The following TAF3 variants were observed in gnomAD, a reference collection of about 807,000 sequenced individuals.
TAF3 encodes TATA-box binding protein associated factor 3, also known as transcription initiation factor TFIID subunit 3.
In TAF3, 7 loss-of-function variants were observed where a neutral mutation model predicts 80.6. The ratio of observed to expected loss-of-function variants is 0.09; its 90% CI spans 0.05 to 0.16. TAF3 has a LOEUF of 0.16. TAF3 is among the 10% of genes least tolerant of loss of function. TAF3 has a pLI of 1.00. For synonymous variants in TAF3, 444 were observed against 446.1 expected, an observed-to-expected ratio of 1.00 and a Z score of 0.06; for missense variants, 921 against 1,140.2, an observed-to-expected ratio of 0.81 and a Z score of 2.77.
At chr10:7,878,088 T>C (rs1286140212) in intron 2 of TAF3, among the ~76,000 whole-genome samples, 1 of 152,202 alleles carries the variant, frequency 6.6e-6, no homozygotes, top group Non-Finnish European at 1.5e-5. Context: ...ATTATGCATC[T>C]GACCTTCCTG....
At chr10:7,838,708 G>A (rs1836877850) in intron 2 of TAF3, among the ~76,000 whole-genome samples, 1 of 152,014 alleles carries the variant, frequency 6.6e-6, no homozygotes, top group African/African-American at 2.4e-5. Flanking sequence ...TGGGCAGGCA[G>A]GCTTCTTGAA....
At chr10:7,941,809 T>C (rs973812901) in intron 2 of TAF3, among the ~76,000 whole-genome samples, 5 of 152,172 alleles carry the variant, frequency 3.3e-5, no homozygotes, top group African/African-American at 1.2e-4. Context: ...TGCTTGGTCT[T>C]AGAGAGCCTG....
intron 2 of TAF3, among the ~76,000 whole-genome samples, chr10:7,830,727 G>C (rs1179047414): frequency 1.3e-5 from 2 of 151,906 alleles, no homozygotes; most frequent in Admixed American, 6.6e-5. Flanking sequence ...CAAGTGATCC[G>C]CCAGCCTCGG....
chr10:7,941,566 G>A (rs1837976308), intron 2 of TAF3, among the ~76,000 whole-genome samples: 1 of 152,202 alleles, frequency 6.6e-6, no homozygotes, highest in Admixed American at 6.5e-5. Flanking sequence ...AGGAGGAAGA[G>A]CCACTGCCCT....
At chr10:7,966,710 G>T (rs1198522160) in intron 3 of TAF3, among the ~76,000 whole-genome samples, 1 of 152,140 alleles carries the variant, frequency 6.6e-6, no homozygotes, top group Admixed American at 6.5e-5. Flanking sequence ...AAAATTTGAT[G>T]TATTTGACCT....
At chr10:7,915,441 G>A (rs1403093828) in intron 2 of TAF3, among the ~76,000 whole-genome samples, 1 of 143,968 alleles carries the variant, frequency 6.9e-6, no homozygotes, top group Non-Finnish European at 1.5e-5. Flanking sequence ...TCAGGAGATC[G>A]AGACCATCCT....
At chr10:8,008,954 G>A in intron 4 of TAF3, 124 bp from the exon 5 acceptor site, 1 of 1,349,770 alleles carries the variant, frequency 7.4e-7, no homozygotes, top group Non-Finnish European at 1.0e-6. Context: ...TTCTTGAGCT[G>A]CCTCTAGACG....
In TAF3 at chr10:7,818,799, C is replaced by T. The variant is rs375628280; in HGVS notation, c.90C>T (p.Ala30=). Residue 30 remains alanine (A), a synonymous_variant, in exon 1 of 7, where the codon GCC becomes GCT. Coordinates refer to ENST00000344293, the MANE Select transcript of TAF3 (RefSeq NM_031923.4). ...GCTGGGACTCGGTGCAGCTCAGCGC[C>T]TGCCACCTCCTCACGGACGTGCTGC... The part of the protein sequence containing the change: ...ALGWDSVQLS[A]CHLLTDVLQR... The T allele has an allele frequency of 2.1e-5, 33 of 1,573,480 alleles. No individual in the cohort carries two copies. In the African/African-American group the frequency reaches 4.4e-4, roughly 21 times the overall value.
At position 7,965,425 on chromosome 10, in the gene TAF3, A is replaced by C; in HGVS notation, c.1915A>C (p.Lys639Gln). 1 of 1,613,552 alleles carries C rather than the reference A, an allele frequency of 6.2e-7. No homozygotes were observed. ...AGATAAGAGAGAGAAAGAAAAAGTG[A>C]AAGATAAAGGCAGAGAAGATAAGAT... The part of the protein sequence containing the change: ...DKDKREKEKV[K>Q]DKGREDKMKA... The change falls in exon 3 of 7, where the codon AAA becomes CAA. Residue 639 changes from lysine (K) to glutamine (Q), a missense_variant. By Grantham distance (53) the Lys-to-Gln change is moderately conservative. Coordinates refer to ENST00000344293, the MANE Select transcript of TAF3 (RefSeq NM_031923.4).
intron 4 of TAF3, among the ~76,000 whole-genome samples, chr10:7,994,345 A>G (rs1246388521): frequency 1.3e-5 from 2 of 152,132 alleles, no homozygotes; most frequent in African/African-American, 2.4e-5. Context: ...AATGGTGTTT[A>G]GGAATCATAA....
chr10:7,902,903 GA>G (rs1301138322), intron 2 of TAF3, among the ~76,000 whole-genome samples: 1 of 151,884 alleles, frequency 6.6e-6, no homozygotes, highest in Non-Finnish European at 1.5e-5. Flanking sequence ...GGTTAGAATA[GA>G]CTCAGGTTTT....
At chr10:7,842,164 G>GTTTGTTTTTTTTTTTTTT (rs1836923366) in intron 2 of TAF3, among the ~76,000 whole-genome samples, 1 of 85,384 alleles carries the variant, frequency 1.2e-5, no homozygotes, top group East Asian at 2.8e-4. Context: ...TTTTTTTTTT[G>GTTTGTTTTTTTTTTTTTT]TTTTTTTTTT....
chr10:7,960,024 AT>A (rs1174231723), intron 2 of TAF3, among the ~76,000 whole-genome samples: 6 of 152,156 alleles, frequency 3.9e-5, no homozygotes, highest in Admixed American at 3.9e-4. Flanking sequence ...CTATATCCAG[AT>A]TAGTCCCCAG....
intron 3 of TAF3, among the ~76,000 whole-genome samples, chr10:7,970,379 A>T (rs375574523): frequency 6.6e-6 from 1 of 152,232 alleles, no homozygotes; most frequent in African/African-American, 2.4e-5. Flanking sequence ...AGGGTTTGGT[A>T]TAGTGGTTCC....
chr10:7,826,770 G>C (rs1430745295), intron 2 of TAF3, among the ~76,000 whole-genome samples: 1 of 152,138 alleles, frequency 6.6e-6, no homozygotes, highest in African/African-American at 2.4e-5. Context: ...ATAAGAAAAG[G>C]ATATAAAATG....
At chr10:7,876,294 T>C (rs1837311456) in intron 2 of TAF3, among the ~76,000 whole-genome samples, 1 of 152,200 alleles carries the variant, frequency 6.6e-6, no homozygotes, top group Admixed American at 6.5e-5. Context: ...AGATTAATTA[T>C]TACCTGAAAG....
Position 7,950,708 on chromosome 10 carries a change from G to A in TAF3, c.410-13212G>A, listed in dbSNP as rs188601438. On this transcript the variant is annotated intron_variant, in intron 2 of 6. Transcript: ENST00000344293. ...CATGCAGAGCAGCAAAAATTCAGTC[G>A]CATGCGTTGCCTGTTCCCAGCTGAG... Among the ~76,000 whole-genome samples, 36 of 152,300 alleles carry A rather than the reference G, an allele frequency of 2.4e-4. No homozygotes were observed. The South Asian group carries it at 7.0e-3, about 30-fold the overall frequency.
chr10:7,974,803 C>T (rs923961917), intron 3 of TAF3, among the ~76,000 whole-genome samples: 17 of 152,104 alleles, frequency 1.1e-4, no homozygotes, highest in African/African-American at 4.1e-4. Flanking sequence ...AGGCCGGGCA[C>T]AGTGGCTCAC....
At chr10:7,852,030 C>A (rs951534497) in intron 2 of TAF3, among the ~76,000 whole-genome samples, 1 of 151,982 alleles carries the variant, frequency 6.6e-6, no homozygotes, top group Non-Finnish European at 1.5e-5. Flanking sequence ...ACGATCCTTC[C>A]ACCTCAGCAT....
Sources: gnomAD v4.1 joint callset for allele counts (sites outside exome capture counted in the v4.1 genomes callset) on GRCh38, gnomAD v4.1.1 for gene constraint, MANE v1.5 for transcripts, NCBI Gene and HGNC (gene_info 2026-07-23, HGNC 2026-07-21) for gene names.